CACNA2D3: variants seen among roughly 807,000 people sequenced by gnomAD.
The protein encoded by CACNA2D3 is calcium voltage-gated channel auxiliary subunit alpha2delta 3.
In CACNA2D3, 60 loss-of-function variants were observed where a neutral mutation model predicts 160.6. The observed-to-expected ratio is 0.37, with a 90% confidence interval of 0.30 to 0.46. CACNA2D3 has a LOEUF of 0.46. Among genes scored for constraint, CACNA2D3 ranks in the 20% least tolerant of loss-of-function variants. CACNA2D3 has a pLI of 1.00. For synonymous variants in CACNA2D3, 558 were observed against 492.9 expected (o/e 1.13, Z -1.75); for missense variants, 1,205 against 1,365.0 (o/e 0.88, Z 1.85).
intron 8 of CACNA2D3, among the ~76,000 whole-genome samples, chr3:54,580,239 G>C (rs538713204): frequency 4.8e-4 from 73 of 152,224 alleles, no homozygotes; most frequent in African/African-American, 1.7e-3. Context: ...CCTAGGTGCA[G>C]TAAGTGCTCA....
intron 5 of CACNA2D3, among the ~76,000 whole-genome samples, chr3:54,543,758 T>G (rs1018336427): frequency 6.6e-6 from 1 of 152,206 alleles, no homozygotes; most frequent in African/African-American, 2.4e-5. Context: ...TATCAAAAGG[T>G]CTTTCTTGTC....
chr3:54,821,645 T>TTCG, intron 14 of CACNA2D3, among the ~76,000 whole-genome samples: 1 of 31,562 alleles, frequency 3.2e-5, no homozygotes, highest in Middle Eastern at 0.014. Flanking sequence ...TCTTTCGTTC[T>TTCG]TTCTTTCTTT....
intron 3 of CACNA2D3, among the ~76,000 whole-genome samples, chr3:54,323,656 CG>C (rs1219075582): frequency 6.6e-6 from 1 of 151,938 alleles, no homozygotes. Flanking sequence ...TTAGTAGAGA[CG>C]GGGTTTCACT....
chr3:54,572,775 A>G (rs550891141), intron 8 of CACNA2D3, among the ~76,000 whole-genome samples: 6 of 152,334 alleles, frequency 3.9e-5, no homozygotes, highest in African/African-American at 1.4e-4. Context: ...AAGCATTTAT[A>G]GATAAGAAGC....
intron 3 of CACNA2D3, among the ~76,000 whole-genome samples, chr3:54,349,039 T>C (rs1190695833): frequency 6.6e-6 from 1 of 152,222 alleles, no homozygotes; most frequent in Middle Eastern, 3.2e-3. Flanking sequence ...ACTGTTACTT[T>C]TTTGATTAGC....
intron 6 of CACNA2D3, 77 bp downstream of exon 6, chr3:54,563,008 G>A (rs1387017667): frequency 8.0e-6 from 11 of 1,382,922 alleles, no homozygotes; most frequent in Non-Finnish European, 7.9e-6. Context: ...TAGGGTTCAA[G>A]GTTAAAACTT....
chr3:54,749,658 A>G (rs1024835736), intron 11 of CACNA2D3, among the ~76,000 whole-genome samples: 9 of 152,222 alleles, frequency 5.9e-5, no homozygotes, highest in Non-Finnish European at 1.0e-4. Context: ...GTCAGTTGAA[A>G]GGCATTACTG....
At chr3:54,945,144 A>G (rs1423106176) in intron 27 of CACNA2D3, among the ~76,000 whole-genome samples, 5 of 152,214 alleles carry the variant, frequency 3.3e-5, no homozygotes, top group African/African-American at 1.2e-4. Flanking sequence ...ATCAATCAGC[A>G]TGCAGGTACT....
chr3:54,238,089 A>G (rs895228675), intron 2 of CACNA2D3, among the ~76,000 whole-genome samples: 1 of 152,104 alleles, frequency 6.6e-6, no homozygotes, highest in Admixed American at 6.5e-5. Context: ...ACTGCTGCAT[A>G]CTTTTTTCCA....
In CACNA2D3 at chr3:54,752,637, G is replaced by A. The variant is rs771877994; in HGVS notation, c.1206G>A (p.Ala402=). Reference sequence around the variant, plus strand: ...CATACCTCATTGGACGAGAGGCTGCGTTTGCAGACAATCTAAAGTGGATGG... The same window carrying A: ...CATACCTCATTGGACGAGAGGCTGCATTTGCAGACAATCTAAAGTGGATGG... ...IFTYLIGREA[A]FADNLKWMAC... Residue 402 remains alanine (A), a synonymous_variant, in exon 12 of 38, where the codon GCG becomes GCA. Coordinates refer to ENST00000474759, the MANE Select transcript of CACNA2D3 (RefSeq NM_018398.3). The A allele has an allele frequency of 6.0e-5, 97 of 1,613,416 alleles. 1 individual carries two copies. Among genetic ancestry groups the A allele is most frequent in the East Asian group, 8.9e-5 (4 of 44,836 alleles).
At position 54,443,142 on chromosome 3, in the gene CACNA2D3, C is replaced by A. The variant is rs538211182; in HGVS notation, c.381+56368C>A. On this transcript the variant is annotated intron_variant, in intron 4 of 37. Transcript: ENST00000474759. The stretch of plus-strand genomic sequence containing the variant: ...GTAGCAAAGGGAAACTCTTGCAGAA[C>A]AACACCTTGAATAAACTTCTCTTAT... Among the ~76,000 whole-genome samples, 14 of 152,306 alleles carry A rather than the reference C, an allele frequency of 9.2e-5. No homozygotes were observed. The South Asian group carries it at 2.7e-3, about 29-fold the overall frequency.
At chr3:54,825,287 G>A (rs1231359881) in intron 14 of CACNA2D3, among the ~76,000 whole-genome samples, 1 of 152,164 alleles carries the variant, frequency 6.6e-6, no homozygotes, top group Non-Finnish European at 1.5e-5. Context: ...GGAAGGTAGA[G>A]GATCGAGGAA....
chr3:54,587,019 A>G (rs1607754), intron 9 of CACNA2D3, among the ~76,000 whole-genome samples: 42,931 of 151,860 alleles, frequency 0.28, 6,881 homozygotes, highest in South Asian at 0.4. Context: ...AGCTATAGCA[A>G]TGTTAGGGGA....
At chr3:54,341,477 G>A (rs1054125268) in intron 3 of CACNA2D3, among the ~76,000 whole-genome samples, 11 of 152,228 alleles carry the variant, frequency 7.2e-5, no homozygotes, top group Non-Finnish European at 1.0e-4. Context: ...CAGAATGGGA[G>A]CACTCCAGCG....
intron 5 of CACNA2D3, among the ~76,000 whole-genome samples, chr3:54,505,835 G>A (rs569402343): frequency 5.3e-5 from 8 of 152,264 alleles, no homozygotes; most frequent in South Asian, 2.1e-4. Context: ...GTAGTAACAC[G>A]TAAGGGACCC....
At chr3:54,416,243 C>T (rs938319427) in intron 4 of CACNA2D3, among the ~76,000 whole-genome samples, 1 of 152,194 alleles carries the variant, frequency 6.6e-6, no homozygotes, top group Non-Finnish European at 1.5e-5. Flanking sequence ...AGGTCACTTG[C>T]AAAGCTCTGC....
intron 34 of CACNA2D3, among the ~76,000 whole-genome samples, chr3:55,010,936 A>G (rs932396622): frequency 6.6e-6 from 1 of 152,228 alleles, no homozygotes; most frequent in Non-Finnish European, 1.5e-5. Flanking sequence ...CTCTCTTAAC[A>G]CCTAACTGGT....
chr3:54,769,158 A>G (rs187904827), intron 13 of CACNA2D3, among the ~76,000 whole-genome samples: 3 of 152,046 alleles, frequency 2.0e-5, no homozygotes, highest in Non-Finnish European at 4.4e-5. Context: ...CACATGGTGA[A>G]CTCATCTGCA....
At chr3:54,912,212 G>A (rs7637262) in intron 27 of CACNA2D3, among the ~76,000 whole-genome samples, 78,037 of 151,990 alleles carry the variant, frequency 0.51, 20,502 homozygotes, top group East Asian at 0.76. Flanking sequence ...GAGAGAGTGA[G>A]CAAGATAGAA....
Sources: allele counts gnomAD v4.1 joint callset (sites outside exome capture counted in the v4.1 genomes callset), GRCh38; gene constraint gnomAD v4.1.1; transcripts MANE v1.5; gene names NCBI Gene and HGNC (gene_info 2026-07-23, HGNC 2026-07-21).